Variants in WASL observed in about 807,000 individuals in gnomAD.
WASL encodes WASP like actin nucleation promoting factor.
Under a neutral mutation model 55.5 loss-of-function variants are expected in WASL, and 20 were observed. The observed-to-expected ratio is 0.36, with a 90% CI of 0.25 to 0.52. The LOEUF (loss-of-function observed/expected upper bound fraction) is 0.52, where lower values mean the gene tolerates loss of function less well. WASL is among the 20% of genes least tolerant of loss of function. WASL has a pLI of 0.92. For missense variants in WASL, 504 were observed against 622.5 expected (o/e 0.81, Z 2.03); for synonymous variants, 249 against 217.6 (o/e 1.14, Z -1.27).
At chr7:123,705,652 A>G (rs1252875356) in intron 4 of WASL, among the ~76,000 whole-genome samples, 1 of 152,200 alleles carries the variant, frequency 6.6e-6, no homozygotes, top group South Asian at 2.1e-4. Flanking sequence ...TTGTCAAGTA[A>G]TAGTTCTACT....
chr7:123,704,879 A>G (rs1347454538), intron 4 of WASL, among the ~76,000 whole-genome samples: 2 of 152,222 alleles, frequency 1.3e-5, no homozygotes, highest in Non-Finnish European at 2.9e-5. Flanking sequence ...GAACATCATG[A>G]AGACTGGACT....
chr7:123,684,598 CAATT>C lies in WASL; in HGVS notation c.1457-22_1457-19del, dbSNP rs1289813329. 8.0e-6 allele frequency: 12 copies of C among 1,493,608 alleles called. No homozygotes were observed. The highest frequency in any genetic ancestry group is 1.1e-5 in the Non-Finnish European group (12 of 1,114,064). The allele number at this position is 1,493,608 out of a possible 1,614,324, so 92.5% of individuals were successfully genotyped here. ...ATCTTCATCTACAAGAAAATCAAGACAATTAAAACATATGCATAAATAAAATGAC... is the reference window on the plus strand; with the variant it reads ...ATCTTCATCTACAAGAAAATCAAGACAAAACATATGCATAAATAAAATGAC... On this transcript the variant is annotated intron_variant, in intron 10 of 10. Coordinates refer to ENST00000223023, the MANE Select transcript of WASL (RefSeq NM_003941.4).
At chr7:123,745,159 A>G (rs1264259010) in intron 1 of WASL, among the ~76,000 whole-genome samples, 1 of 152,008 alleles carries the variant, frequency 6.6e-6, no homozygotes, top group African/African-American at 2.4e-5. Context: ...CTCACCTTCT[A>G]TATATAACTG....
At chr7:123,709,810 T>C (rs1803728125) in intron 1 of WASL, among the ~76,000 whole-genome samples, 1 of 152,172 alleles carries the variant, frequency 6.6e-6, no homozygotes. Context: ...GGAAGGCAGA[T>C]TATAGTATCT....
At chr7:123,721,308 G>A (rs1803938909) in intron 1 of WASL, among the ~76,000 whole-genome samples, 1 of 4,848 alleles carries the variant, frequency 2.1e-4, no homozygotes, top group Non-Finnish European at 6.7e-3. Flanking sequence ...AGCACTTTTA[G>A]TTTGCTTGAC....
intron 9 of WASL, 111 bp from the exon 10 acceptor site, chr7:123,689,261 A>G: frequency 1.2e-6 from 1 of 814,778 alleles, no homozygotes; most frequent in South Asian, 1.7e-5. Context: ...GACAAAAAAG[A>G]TATCAAACTG....
At chr7:123,725,809 A>C (rs1804032643) in intron 1 of WASL, among the ~76,000 whole-genome samples, 1 of 152,202 alleles carries the variant, frequency 6.6e-6, no homozygotes, top group Admixed American at 6.5e-5. Flanking sequence ...CTCAGTGCAG[A>C]AAACATTTAA....
At chr7:123,684,678 G>C in intron 10 of WASL, 98 bp from the exon 11 acceptor site, 1 of 1,133,904 alleles carries the variant, frequency 8.8e-7, no homozygotes, top group Non-Finnish European at 1.1e-6. Context: ...CTGAAACACA[G>C]ATAATGTGAC....
In WASL at chr7:123,748,802, C is replaced by G. The variant is rs549820822; in HGVS notation, c.-68G>C. ...GCGAGTGGGCGAGAGCTCGTTCCCCCTCTCGGTGACAGGGGCGGGGAGAAG... is the reference window on the plus strand; with the variant it reads ...GCGAGTGGGCGAGAGCTCGTTCCCCGTCTCGGTGACAGGGGCGGGGAGAAG... On this transcript the variant is annotated 5_prime_UTR_variant, in exon 1 of 11. Transcript: ENST00000223023. The G allele has an allele frequency of 3.2e-5, 43 of 1,328,186 alleles. No individual in the cohort carries two copies. Among genetic ancestry groups the G allele is most frequent in the Non-Finnish European group, 3.9e-5 (39 of 992,424 alleles). The allele number at this position is 1,328,186 out of a possible 1,614,324, so 82.3% of individuals were successfully genotyped here. A position where few individuals can be genotyped will look rare whatever the true frequency, so the allele number is the denominator to read the frequency against.
chr7:123,733,108 G>A (rs1221544181), intron 1 of WASL, among the ~76,000 whole-genome samples: 7 of 152,168 alleles, frequency 4.6e-5, no homozygotes, highest in Admixed American at 4.6e-4. Flanking sequence ...TGGGAACAAA[G>A]TAAAAATGTT....
At chr7:123,684,725 G>C (rs1349435404) in intron 10 of WASL, 145 bp from the exon 11 acceptor site, 1 of 711,516 alleles carries the variant, frequency 1.4e-6, no homozygotes, top group African/African-American at 1.9e-5. Context: ...AGTTTAAAGT[G>C]AATCTAAAGA....
At chr7:123,715,524 T>C (rs1389858885) in intron 1 of WASL, among the ~76,000 whole-genome samples, 1 of 152,200 alleles carries the variant, frequency 6.6e-6, no homozygotes, top group Non-Finnish European at 1.5e-5. Context: ...CTAAAAGACA[T>C]AACCTATAAG....
intron 1 of WASL, among the ~76,000 whole-genome samples, chr7:123,721,744 C>G (rs934998858): frequency 5.9e-5 from 9 of 152,210 alleles, no homozygotes; most frequent in African/African-American, 1.9e-4. Flanking sequence ...GAAACCCTGT[C>G]GCTACTAAAA....
In WASL at chr7:123,739,613, T is replaced by A. The variant is rs574127389; in HGVS notation, c.117+9005A>T. Among the ~76,000 whole-genome samples, 5 of 152,320 alleles carry A rather than the reference T, an allele frequency of 3.3e-5. No homozygotes were observed. The East Asian group carries it at 9.6e-4, about 29-fold the overall frequency. On this transcript the variant is annotated intron_variant, in intron 1 of 10. Coordinates refer to ENST00000223023, the MANE Select transcript of WASL (RefSeq NM_003941.4). ...CCCAACTGTAGGTTATTGTAAATGTTCTGAGCACATTTAAGGAAGGCTAGG... is the reference window on the plus strand; with the variant it reads ...CCCAACTGTAGGTTATTGTAAATGTACTGAGCACATTTAAGGAAGGCTAGG...
At chr7:123,737,520 G>A (rs2116822946) in intron 1 of WASL, among the ~76,000 whole-genome samples, 1 of 151,356 alleles carries the variant, frequency 6.6e-6, no homozygotes, top group East Asian at 2.0e-4. Context: ...CTCTTGACCT[G>A]GGAGGTGGAG....
At chr7:123,731,615 A>G (rs887565232) in intron 1 of WASL, among the ~76,000 whole-genome samples, 1 of 152,230 alleles carries the variant, frequency 6.6e-6, no homozygotes, top group Non-Finnish European at 1.5e-5. Context: ...ATGCTCTCAG[A>G]CCATAATGGA....
At position 123,747,917 on chromosome 7, in the gene WASL, C is replaced by T. The variant is rs1034022111; in HGVS notation, c.117+701G>A. On this transcript the variant is annotated intron_variant, in intron 1 of 10. Coordinates refer to ENST00000223023, the MANE Select transcript of WASL (RefSeq NM_003941.4). ...TCTCGGCCCCAAAAGCCAAGAGCTA[C>T]CAGAGATTGAGGTTTCCCTGCGCAT... Among the ~76,000 whole-genome samples the T allele has an allele frequency of 3.3e-5, 5 of 152,070 alleles. No individual in the cohort carries two copies. The East Asian group carries it at 9.7e-4, about 30-fold the overall frequency.
intron 1 of WASL, among the ~76,000 whole-genome samples, chr7:123,721,366 C>T (rs73441443): frequency 4.7e-4 from 71 of 152,172 alleles, no homozygotes; most frequent in African/African-American, 1.6e-3. Flanking sequence ...AGGTAGGTTA[C>T]TTTGAGAGCC....
chr7:123,723,705 G>A (rs1803993366), intron 1 of WASL, among the ~76,000 whole-genome samples: 2 of 152,166 alleles, frequency 1.3e-5, no homozygotes, highest in Admixed American at 6.5e-5. Context: ...AGTAAGGAAG[G>A]AGAGGCTTGG....
Sources: allele counts gnomAD v4.1 joint callset (sites outside exome capture counted in the v4.1 genomes callset), GRCh38; gene constraint gnomAD v4.1.1; transcripts MANE v1.5; gene names NCBI Gene and HGNC (gene_info 2026-07-23, HGNC 2026-07-21).